Variants in COL28A1 observed in about 807,000 individuals in gnomAD.
COL28A1 encodes the protein collagen alpha-1(XXVIII) chain.
Under a neutral mutation model 150.2 loss-of-function variants are expected in COL28A1, and 161 were observed. The observed-to-expected ratio is 1.07, with a 90% CI of 0.94 to 1.22. The LOEUF (loss-of-function observed/expected upper bound fraction) is 1.22. Ranked by LOEUF, COL28A1 falls within the 50% of genes most tolerant of loss-of-function variation. COL28A1 has a pLI of 0.00. For synonymous variants in COL28A1, 552 were observed against 469.7 expected (o/e 1.18, Z -2.26); for missense variants, 1,617 against 1,388.3 (o/e 1.16, Z -2.62).
Position 7,520,256 on chromosome 7 carries a change from C to G in COL28A1, c.760-141G>C. The G allele has an allele frequency of 5.8e-6, 3 of 519,234 alleles. No homozygotes were observed. In the East Asian group the frequency reaches 9.4e-5, roughly 16 times the overall value. 32.2% of individuals were successfully genotyped at this position (519,234 alleles called of 1,614,324 possible). ...ACCTGCCAAGCAGAAATTCAATTCT[C>G]TTCTCCCTTTTTCTACACCAGGAAA... On this transcript the variant is annotated intron_variant, in intron 5 of 34. Coordinates refer to ENST00000399429, the MANE Select transcript of COL28A1 (RefSeq NM_001037763.3).
chr7:7,392,275 T>C (rs1782590270), intron 27 of COL28A1, among the ~76,000 whole-genome samples: 2 of 152,198 alleles, frequency 1.3e-5, no homozygotes, highest in African/African-American at 4.8e-5. Context: ...GGGTTGAAAA[T>C]TCTTTTAAGA....
chr7:7,478,481 C>A (rs965302699), intron 13 of COL28A1, among the ~76,000 whole-genome samples: 6 of 152,290 alleles, frequency 3.9e-5, no homozygotes, highest in Admixed American at 1.3e-4. Context: ...TAGCTGGCTT[C>A]ACCCAGTGGA....
chr7:7,504,497 C>G (rs1583523275), intron 11 of COL28A1, among the ~76,000 whole-genome samples: 1 of 152,056 alleles, frequency 6.6e-6, no homozygotes, highest in East Asian at 1.9e-4. Context: ...AACATCCTAT[C>G]TCTAAAAAAG....
At chr7:7,461,810 G>A (rs1170785928) in intron 15 of COL28A1, among the ~76,000 whole-genome samples, 1 of 152,134 alleles carries the variant, frequency 6.6e-6, no homozygotes, top group East Asian at 1.9e-4. Flanking sequence ...TATCCACCCT[G>A]GTAACTGAAG....
intron 11 of COL28A1, among the ~76,000 whole-genome samples, chr7:7,494,367 G>A (rs962767041): frequency 1.3e-5 from 2 of 152,022 alleles, no homozygotes; most frequent in African/African-American, 4.8e-5. Flanking sequence ...CTTCATGCAT[G>A]GAGTCACAGG....
chr7:7,517,694 G>T, intron 7 of COL28A1, 102 bp downstream of exon 7: 2 of 1,540,672 alleles, frequency 1.3e-6, no homozygotes, highest in Admixed American at 3.5e-5. Context: ...AAGGTAGATA[G>T]AAATCACTTT....
chr7:7,406,668 G>A (rs1783508841), intron 27 of COL28A1, among the ~76,000 whole-genome samples: 1 of 152,082 alleles, frequency 6.6e-6, no homozygotes. Context: ...ATAAAGAGAA[G>A]GAACCAGCCA....
At chr7:7,467,836 A>C (rs1788159737) in intron 15 of COL28A1, among the ~76,000 whole-genome samples, 1 of 143,334 alleles carries the variant, frequency 7.0e-6, no homozygotes, top group East Asian at 2.1e-4. Context: ...TGGAAACTGA[A>C]CAACCTGCTC....
At chr7:7,523,165 CTTT>C (rs1394272260) in intron 4 of COL28A1, among the ~76,000 whole-genome samples, 1 of 78,876 alleles carries the variant, frequency 1.3e-5, no homozygotes, top group Non-Finnish European at 2.2e-5. Context: ...TCTTTCTTTT[CTTT>C]TTTTTTTTTT....
At position 7,358,521 on chromosome 7, in the gene COL28A1, T is replaced by C. The variant is rs566889060; in HGVS notation, c.*112A>G. ...TGTAGTGAGAATTCAATTACATGTATAAGTTGTAAATACTCAGTATACACT... is the reference window on the plus strand; with the variant it reads ...TGTAGTGAGAATTCAATTACATGTACAAGTTGTAAATACTCAGTATACACT... On this transcript the variant is annotated 3_prime_UTR_variant, in exon 35 of 35. Coordinates refer to ENST00000399429, the MANE Select transcript of COL28A1 (RefSeq NM_001037763.3). The C allele has an allele frequency of 1.3e-5, 12 of 949,914 alleles. 1 individual carries two copies. The African/African-American group carries it at 1.8e-4, about 14-fold the overall frequency. The allele number at this position is 949,914 out of a possible 1,614,324, so 58.8% of individuals were successfully genotyped here.
At chr7:7,380,889 G>C in intron 28 of COL28A1, 27 bp from the exon 29 acceptor site, 1 of 1,565,592 alleles carries the variant, frequency 6.4e-7, no homozygotes, top group Non-Finnish European at 8.8e-7. Flanking sequence ...AAAATGATAG[G>C]TTCAGAATGT....
chr7:7,499,478 T>C (rs1367416468), intron 11 of COL28A1, among the ~76,000 whole-genome samples: 4 of 152,232 alleles, frequency 2.6e-5, no homozygotes, highest in Non-Finnish European at 4.4e-5. Flanking sequence ...AATTGTGAAC[T>C]TAAAACAGTT....
At chr7:7,485,930 C>G (rs1779602736) in intron 13 of COL28A1, among the ~76,000 whole-genome samples, 1 of 152,104 alleles carries the variant, frequency 6.6e-6, no homozygotes, top group African/African-American at 2.4e-5. Context: ...TTTTTAAAAG[C>G]TATTCTAGCT....
intron 13 of COL28A1, among the ~76,000 whole-genome samples, chr7:7,485,445 A>G (rs1226122278): frequency 6.6e-6 from 1 of 152,144 alleles, no homozygotes; most frequent in Non-Finnish European, 1.5e-5. Context: ...AGTCTTTCAC[A>G]GAGCACACAT....
At chr7:7,477,249 G>A (rs1441096292) in intron 13 of COL28A1, 69 bp from the exon 14 acceptor site, 24 of 807,860 alleles carry the variant, frequency 3.0e-5, no homozygotes, top group Non-Finnish European at 5.0e-5. Context: ...ATGAAAAAGA[G>A]GAAAGAGGAA....
rs142466226 is a variant in COL28A1, at chr7:7,502,376, T to C, written c.1026+3638A>G. ...GAAAGTATTATTGACAGAAATAATT[T>C]GTGAAAATGGGCCAGGAGCACATTT... is the stretch of plus-strand genomic sequence containing the variant. On this transcript the variant is annotated intron_variant, in intron 11 of 34. Transcript: ENST00000399429. 3.4e-3 allele frequency among the ~76,000 whole-genome samples: 514 copies of C among 152,320 alleles called. 3 individuals carry two copies. The highest frequency in any genetic ancestry group is 0.011 in the African/African-American group (456 of 41,574).
chr7:7,436,142 G>A (rs1455683279), intron 23 of COL28A1, among the ~76,000 whole-genome samples: 2 of 152,162 alleles, frequency 1.3e-5, no homozygotes, highest in African/African-American at 4.8e-5. Context: ...TTGTATCACT[G>A]ACAGTGCAAA....
the COL28A1 span, among the ~76,000 whole-genome samples, chr7:7,541,490 A>G: frequency 3.3e-5 from 5 of 152,168 alleles, no homozygotes; most frequent in Admixed American, 3.3e-4. Flanking sequence ...ATTTTCTGTT[A>G]TTCTAATTGA....
At chr7:7,400,916 T>C (rs1165123043) in intron 27 of COL28A1, among the ~76,000 whole-genome samples, 2 of 151,846 alleles carry the variant, frequency 1.3e-5, no homozygotes, top group Non-Finnish European at 1.5e-5. Context: ...ATTAAGACTT[T>C]CCATTTTTTT....
Sources: allele counts gnomAD v4.1 joint callset (sites outside exome capture counted in the v4.1 genomes callset), GRCh38; gene constraint gnomAD v4.1.1; transcripts MANE v1.5; gene names NCBI Gene and HGNC (gene_info 2026-07-23, HGNC 2026-07-21).